Variants in RERE observed in about 807,000 individuals in gnomAD.
The protein encoded by RERE is arginine-glutamic acid dipeptide repeats protein.
A neutral mutation model predicts 146.1 loss-of-function variants in RERE; 40 were observed. That is an observed-to-expected ratio of 0.27 (90% CI 0.21 to 0.36). The LOEUF (loss-of-function observed/expected upper bound fraction) is 0.36, where lower values mean the gene tolerates loss of function less well. RERE is among the 10% of genes least tolerant of loss of function. The probability of loss-of-function intolerance (pLI) is 1.00; values close to 1 mark genes in which losing one functional copy is unlikely to be tolerated. For synonymous variants in RERE, 1,003 were observed against 866.0 expected (o/e 1.16, Z -2.78); for missense variants, 1,933 against 2,138.7 (o/e 0.90, Z 1.90).
intron 4 of RERE, among the ~76,000 whole-genome samples, chr1:8,582,693 C>T (rs1253677937): frequency 6.6e-6 from 1 of 152,066 alleles, no homozygotes; most frequent in Non-Finnish European, 1.5e-5. Flanking sequence ...TGCACTCCAG[C>T]CTGGGAAACA....
rs185463305 is a variant in RERE at position 8,356,440 on chromosome 1, G to A, written c.4340-194C>T. Among the ~76,000 whole-genome samples, 30 of 152,202 alleles carry A rather than the reference G, an allele frequency of 2.0e-4. No homozygotes were observed. In the East Asian group the frequency reaches 4.8e-3, roughly 25 times the overall value. On this transcript the variant is annotated intron_variant, in intron 20 of 22. Coordinates refer to ENST00000400908, the MANE Select transcript of RERE (RefSeq NM_001042681.2). This position sits in a 1 kb window ranked among gnomAD's most constrained non-coding sequence, Gnocchi z 5.2. ...ACCTTCAGCAAGAGCTCCAGAGGCC[G>A]AGAGAAGTGACGAGCCCACCGCTGA...
At chr1:8,771,246 G>A (rs562350389) in intron 1 of RERE, among the ~76,000 whole-genome samples, 27 of 152,162 alleles carry the variant, frequency 1.8e-4, no homozygotes, top group South Asian at 1.7e-3. Context: ...AAACTGGGCC[G>A]GGCGTGGTGG....
intron 1 of RERE, among the ~76,000 whole-genome samples, chr1:8,794,023 G>A (rs1001378825): frequency 6.6e-6 from 1 of 151,004 alleles, no homozygotes; most frequent in Non-Finnish European, 1.5e-5. Flanking sequence ...AGCCAAGATC[G>A]TACCACTGCA....
intron 11 of RERE, among the ~76,000 whole-genome samples, chr1:8,461,116 G>A (rs954927707): frequency 1.3e-5 from 2 of 152,032 alleles, no homozygotes; most frequent in Non-Finnish European, 2.9e-5. Context: ...AATCTGTTTC[G>A]ATTAGGTGCA....
At chr1:8,450,522 A>C (rs771268898) in intron 11 of RERE, among the ~76,000 whole-genome samples, 6 of 152,094 alleles carry the variant, frequency 3.9e-5, no homozygotes, top group Non-Finnish European at 7.4e-5. Flanking sequence ...TCACCTTAGC[A>C]AATCCCAACT....
At chr1:8,414,552 T>C (rs1198594766) in intron 12 of RERE, among the ~76,000 whole-genome samples, 1 of 151,972 alleles carries the variant, frequency 6.6e-6, no homozygotes, top group Non-Finnish European at 1.5e-5. Flanking sequence ...GGAGATTCCG[T>C]CTCTAAATAA....
At chr1:8,437,627 C>CA (rs1644188514) in intron 11 of RERE, among the ~76,000 whole-genome samples, 1 of 152,124 alleles carries the variant, frequency 6.6e-6, no homozygotes, top group Non-Finnish European at 1.5e-5. Flanking sequence ...CATGATACCT[C>CA]ACTCTTGCTG....
At chr1:8,719,086 A>G (rs1639813607) in intron 1 of RERE, among the ~76,000 whole-genome samples, 1 of 152,168 alleles carries the variant, frequency 6.6e-6, no homozygotes, top group South Asian at 2.1e-4. Flanking sequence ...GGGCAGCAAA[A>G]TCAGCATTTT....
At position 8,643,876 on chromosome 1, in the gene RERE, C is replaced by T. The variant is rs1360706100; in HGVS notation, c.325+12097G>A. 2.0e-5 allele frequency among the ~76,000 whole-genome samples: 3 copies of T among 152,274 alleles called. No homozygotes were observed. In the East Asian group the frequency reaches 5.8e-4, roughly 29 times the overall value. On this transcript the variant is annotated intron_variant, in intron 2 of 22. Transcript: ENST00000400908. ...CCAGAGTGAAAGTTTAAATTCTCACCTATTTTTTTCCTTTCCTGCTAAAAT... is the reference window on the plus strand; with the variant it reads ...CCAGAGTGAAAGTTTAAATTCTCACTTATTTTTTTCCTTTCCTGCTAAAAT...
rs1645404914 is a variant in RERE at position 8,515,678 on chromosome 1, A to G, written c.831-7003T>C. Among the ~76,000 whole-genome samples the G allele has an allele frequency of 2.0e-5, 3 of 152,080 alleles. No individual in the cohort carries two copies. In the South Asian group the frequency reaches 6.2e-4, roughly 32 times the overall value. ...AACAACAACAAAACATAGCTACTAA[A>G]GAGGTTTCTGCTTGGATGTACAATG... is the stretch of plus-strand genomic sequence containing the variant. On this transcript the variant is annotated intron_variant, in intron 7 of 22. Transcript: ENST00000400908.
At chr1:8,574,918 C>T (rs906712331) in intron 4 of RERE, among the ~76,000 whole-genome samples, 2 of 152,158 alleles carry the variant, frequency 1.3e-5, no homozygotes, top group South Asian at 2.1e-4. Flanking sequence ...ATATATTAGA[C>T]TTCAATTAAG....
chr1:8,481,583 T>C (rs923397361), intron 10 of RERE, among the ~76,000 whole-genome samples: 5 of 152,214 alleles, frequency 3.3e-5, no homozygotes, highest in Admixed American at 2.0e-4. Context: ...AATGAATTCA[T>C]TCATAAAAAG....
At chr1:8,559,212 G>A (rs1480950089) in intron 4 of RERE, among the ~76,000 whole-genome samples, 5 of 137,336 alleles carry the variant, frequency 3.6e-5, no homozygotes, top group Non-Finnish European at 6.1e-5. Context: ...CCTGGGAGGC[G>A]GAAGTTGAGG....
chr1:8,655,399 G>A (rs1309408114), intron 2 of RERE, among the ~76,000 whole-genome samples: 1 of 151,976 alleles, frequency 6.6e-6, no homozygotes, highest in Non-Finnish European at 1.5e-5. Flanking sequence ...TAGAGACAGG[G>A]TTTCATCATG....
chr1:8,552,327 G>C (rs1358772285), intron 6 of RERE, among the ~76,000 whole-genome samples: 1 of 152,216 alleles, frequency 6.6e-6, no homozygotes, highest in East Asian at 1.9e-4. Context: ...AGCCCCCTCA[G>C]AGTTACTGTG....
chr1:8,455,589 C>T (rs1644444895), intron 11 of RERE, among the ~76,000 whole-genome samples: 3 of 152,160 alleles, frequency 2.0e-5, no homozygotes, highest in Admixed American at 2.0e-4. Flanking sequence ...AGAACAGGGA[C>T]ACATCCAGTT....
At chr1:8,802,857 T>C (rs1378335173) in intron 1 of RERE, among the ~76,000 whole-genome samples, 1 of 152,208 alleles carries the variant, frequency 6.6e-6, no homozygotes, top group East Asian at 1.9e-4. Flanking sequence ...TGCATTCATT[T>C]GAATTAGGTC....
intron 4 of RERE, among the ~76,000 whole-genome samples, chr1:8,573,408 CTT>C (rs34524431): frequency 3.3e-4 from 50 of 151,960 alleles, no homozygotes; most frequent in African/African-American, 1.1e-3. Context: ...ACACTAGACT[CTT>C]TGAGTTCTTC....
At chr1:8,705,622 C>T (rs1239670379) in intron 1 of RERE, among the ~76,000 whole-genome samples, 1 of 152,126 alleles carries the variant, frequency 6.6e-6, no homozygotes, top group Non-Finnish European at 1.5e-5. Context: ...CTCATAGCCC[C>T]TTCTAAACAG....
Sources: gnomAD v4.1 joint callset for allele counts (sites outside exome capture counted in the v4.1 genomes callset) on GRCh38, gnomAD v4.1.1 for gene constraint, Gnocchi (gnomAD v3.1) non-coding constraint, MANE v1.5 for transcripts, NCBI Gene and HGNC (gene_info 2026-07-23, HGNC 2026-07-21) for gene names.